ANK1: variants seen among roughly 807,000 people sequenced by gnomAD.
The protein encoded by ANK1 is ankyrin-1.
In ANK1, 51 loss-of-function variants were observed where a neutral mutation model predicts 210.4. The ratio of observed to expected loss-of-function variants is 0.24; its 90% CI spans 0.19 to 0.31. ANK1 has a LOEUF of 0.31. Among genes scored for constraint, ANK1 ranks in the 10% least tolerant of loss-of-function variants. The probability of loss-of-function intolerance (pLI) is 1.00; values close to 1 mark genes in which losing one functional copy is unlikely to be tolerated. For missense variants in ANK1, 2,051 were observed against 2,504.4 expected (o/e 0.82, Z 3.86); for synonymous variants, 967 against 1,025.9 (o/e 0.94, Z 1.10).
chr8:41,706,631 C>T (rs1824660728), intron 17 of ANK1, among the ~76,000 whole-genome samples: 1 of 152,220 alleles, frequency 6.6e-6, no homozygotes, highest in South Asian at 2.1e-4. Flanking sequence ...ACTTTCCCAT[C>T]GTTGGTGCTT....
chr8:41,864,067 G>T (rs113423476), intron 1 of ANK1, among the ~76,000 whole-genome samples: 4 of 152,018 alleles, frequency 2.6e-5, no homozygotes, highest in African/African-American at 9.7e-5. Flanking sequence ...TGGCTAGCAC[G>T]GTGAAACCCC....
chr8:41,694,913 CA>C lies in ANK1; in HGVS notation c.3116-111del. 8.1e-7 allele frequency: 1 copy of C among 1,237,834 alleles called. No individual in the cohort carries two copies. The highest frequency in any genetic ancestry group is 1.5e-5 in the African/African-American group (1 of 67,482). The allele number at this position is 1,237,834 out of a possible 1,614,324, so 76.7% of individuals were successfully genotyped here. ...CAAGACCCAGTGCACACACCCTCCC[CA>C]GGTGCCGGGCGGCATAGTGGCCAGA... On this transcript the variant is annotated intron_variant, in intron 27 of 42. Transcript: ENST00000289734. This position sits in a 1 kb window ranked among gnomAD's most constrained non-coding sequence, Gnocchi z 5.7.
intron 1 of ANK1, among the ~76,000 whole-genome samples, chr8:41,780,428 A>G (rs999158220): frequency 1.3e-5 from 2 of 152,176 alleles, no homozygotes; most frequent in Non-Finnish European, 2.9e-5. Context: ...GAGTTTGTTG[A>G]GTTAACCTGA....
Position 41,672,567 on chromosome 8 carries a change from G to A in ANK1, c.4883C>T (p.Ser1628Leu), listed in dbSNP as rs980013581. The change falls in exon 38 of 43, where the codon TCA becomes TTA. Residue 1628 changes from serine to leucine, a missense_variant. Around this residue, in one of 6 missense-constraint regions of ANK1, gnomAD observed 496 missense variants for 533.4 expected, o/e 0.93. Transcript: ENST00000289734. The stretch of plus-strand genomic sequence containing the variant: ...ATCGATAAGGCCATTTGTGGCATCT[G>A]AATCCACTGTGTCGTCCTCCACAAG... ...LELVEDDTVD[S>L]DATNGLIDLL... 2 of 1,614,232 alleles carry A rather than the reference G, an allele frequency of 1.2e-6. No individual in the cohort carries two copies. The highest frequency in any genetic ancestry group is 1.7e-5 in the Admixed American group (1 of 60,032).
At chr8:41,717,125 T>G (rs1827895557) in intron 12 of ANK1, 74 bp from the exon 13 acceptor site, 13 of 1,543,438 alleles carry the variant, frequency 8.4e-6, no homozygotes, top group Non-Finnish European at 1.1e-5. Context: ...AGCTAGGAAG[T>G]GCAGTCTGGA....
chr8:41,717,340 T>A (rs530099000), intron 12 of ANK1, among the ~76,000 whole-genome samples: 35 of 152,352 alleles, frequency 2.3e-4, no homozygotes, highest in Middle Eastern at 3.4e-3. Context: ...TAATGAATAT[T>A]CAAAAATGTA....
chr8:41,672,084 G>C (rs961224324), intron 38 of ANK1, among the ~76,000 whole-genome samples: 1 of 152,020 alleles, frequency 6.6e-6, no homozygotes, highest in South Asian at 2.1e-4. Context: ...CCCTCCCGGC[G>C]CCCATATGTC....
chr8:41,735,801 T>G (rs1162823933), intron 2 of ANK1, among the ~76,000 whole-genome samples: 5 of 152,226 alleles, frequency 3.3e-5, no homozygotes, highest in African/African-American at 1.2e-4. Context: ...GCTTCTTTTA[T>G]GTGGGGACCT....
chr8:41,799,036 G>T (rs920763882), upstream of ANK1, among the ~76,000 whole-genome samples: 4 of 152,006 alleles, frequency 2.6e-5, no homozygotes, highest in African/African-American at 7.2e-5. Context: ...TCTCCCCGGG[G>T]ACTAGTGCCT....
intron 1 of ANK1, among the ~76,000 whole-genome samples, chr8:41,782,670 A>G (rs932614201): frequency 2.6e-5 from 4 of 152,194 alleles, no homozygotes; most frequent in African/African-American, 9.7e-5. Context: ...AATTCTAAGC[A>G]TTTTATTTGA....
intron 17 of ANK1, among the ~76,000 whole-genome samples, chr8:41,708,246 G>A (rs1282528443): frequency 1.3e-5 from 2 of 152,138 alleles, no homozygotes; most frequent in Non-Finnish European, 2.9e-5. Context: ...CCTTTGAGAA[G>A]CTGAGAAACA....
chr8:41,661,648 G>T (rs757911252), intron 41 of ANK1, 84 bp from the exon 42 acceptor site: 5 of 1,603,646 alleles, frequency 3.1e-6, no homozygotes, highest in Non-Finnish European at 4.3e-6. Context: ...GAGGCCACAC[G>T]GAGGTGGCAG....
At chr8:41,805,134 TTCTCTC>T (rs548570443) in intron 1 of ANK1, among the ~76,000 whole-genome samples, 1 of 146,758 alleles carries the variant, frequency 6.8e-6, no homozygotes, top group Non-Finnish European at 1.5e-5. Flanking sequence ...CTCTCTTTCT[TTCTCTC>T]TCTCTCATAG....
At chr8:41,731,679 T>C (rs921564951) in intron 3 of ANK1, among the ~76,000 whole-genome samples, 5 of 152,108 alleles carry the variant, frequency 3.3e-5, no homozygotes, top group Non-Finnish European at 2.9e-5. Context: ...CACCTTTTTT[T>C]CCCCCTCTCT....
chr8:41,843,346 T>C (rs72640348), intron 1 of ANK1, among the ~76,000 whole-genome samples: 2 of 152,206 alleles, frequency 1.3e-5, no homozygotes, highest in Admixed American at 6.5e-5. Context: ...ACATTGAATC[T>C]GCTCCATCTT....
intron 22 of ANK1, 82 bp downstream of exon 22, chr8:41,701,468 C>T: frequency 2.3e-6 from 3 of 1,293,774 alleles, no homozygotes; most frequent in Non-Finnish European, 3.4e-6. Context: ...GGGACAAAGC[C>T]GGCAGGTGGC....
At chr8:41,822,241 C>G (rs540493864) in intron 1 of ANK1, among the ~76,000 whole-genome samples, 2 of 152,210 alleles carry the variant, frequency 1.3e-5, no homozygotes, top group East Asian at 3.9e-4. Context: ...TCCAGTTGAC[C>G]TCTCTAATTT....
At chr8:41,843,340 T>C (rs1468544500) in intron 1 of ANK1, among the ~76,000 whole-genome samples, 1 of 152,196 alleles carries the variant, frequency 6.6e-6, no homozygotes, top group African/African-American at 2.4e-5. Context: ...GATCAGACAT[T>C]GAATCTGCTC....
intron 17 of ANK1, among the ~76,000 whole-genome samples, chr8:41,708,355 G>A (rs542474943): frequency 1.3e-5 from 2 of 152,276 alleles, no homozygotes; most frequent in Non-Finnish European, 2.9e-5. Flanking sequence ...ATTGTTGCTG[G>A]AGTGAGAACT....
Sources: allele counts gnomAD v4.1 joint callset (sites outside exome capture counted in the v4.1 genomes callset), GRCh38; gene constraint gnomAD v4.1.1; regional missense constraint gnomAD v4.1.1; non-coding constraint Gnocchi (gnomAD v3.1); transcripts MANE v1.5; gene names NCBI Gene and HGNC (gene_info 2026-07-23, HGNC 2026-07-21).